The following ZFP1 variants were observed in gnomAD, a reference collection of about 807,000 sequenced individuals.
ZFP1 encodes the protein ZFP1 zinc finger protein, also known as zinc finger protein 1 homolog.
In ZFP1, 32 loss-of-function variants were observed where a neutral mutation model predicts 38.5. That is an observed-to-expected ratio of 0.83 (90% confidence interval 0.63 to 1.12). The LOEUF is 1.12. Among genes scored for constraint, ZFP1 ranks in the 50% most tolerant of loss-of-function variants. The pLI is 0.00. For missense variants in ZFP1, 616 were observed against 480.8 expected (o/e 1.28, Z -2.63); for synonymous variants, 245 against 168.8 (o/e 1.45, Z -3.50).
In ZFP1 at chr16:75,169,416, A is replaced by T. The variant is rs778527602; in HGVS notation, c.306A>T (p.Val102=). ...CAGACTTTGTTTCTTTAAGACAAGT[A>T]CCTTATAAATATGACTTATATGAAA... ...LNTDFVSLRQ[V]PYKYDLYEKT... Residue 102 remains valine, a synonymous_variant, in exon 4 of 4, where the codon GTA becomes GTT. Coordinates refer to ENST00000570010, the MANE Select transcript of ZFP1 (RefSeq NM_153688.4). 6.2e-6 allele frequency: 10 copies of T among 1,613,910 alleles called. No homozygotes were observed. The highest frequency in any genetic ancestry group is 8.5e-6 in the Non-Finnish European group (10 of 1,179,946).
At chr16:75,151,656 T>C (rs2037208506) in intron 1 of ZFP1, among the ~76,000 whole-genome samples, 1 of 152,260 alleles carries the variant, frequency 6.6e-6, no homozygotes, top group Non-Finnish European at 1.5e-5. Flanking sequence ...TGTTGCAGAA[T>C]ATTGACATAT....
upstream of ZFP1, among the ~76,000 whole-genome samples, chr16:75,146,832 T>C (rs1397441488): frequency 6.6e-6 from 1 of 150,518 alleles, no homozygotes; most frequent in East Asian, 2.0e-4. Flanking sequence ...TTTAGCTACT[T>C]GGGAGGCTGA....
rs140229519 is a variant in ZFP1, at chr16:75,169,481, G to T, written c.371G>T (p.Arg124Ile). Residue 124 changes from arginine to isoleucine, a missense_variant, in exon 4 of 4, where the codon AGA becomes ATA. Transcript: ENST00000570010. Reference protein sequence around the residue: ...KYNSDLLNSNRSYAGKQTDEC... With the variant: ...KYNSDLLNSNISYAGKQTDEC... Reference sequence around the variant, plus strand: ...AATTCAGACTTGCTTAATAGTAATAGAAGCTATGCAGGAAAGCAGACTGAT... The same window carrying T: ...AATTCAGACTTGCTTAATAGTAATATAAGCTATGCAGGAAAGCAGACTGAT... 9 of 1,612,866 alleles carry T rather than the reference G, an allele frequency of 5.6e-6. No homozygotes were observed. Among genetic ancestry groups the T allele is most frequent in the Middle Eastern group, 1.7e-4 (1 of 6,054 alleles).
At position 75,151,614 on chromosome 16, in the gene ZFP1, C is replaced by T. The variant is rs546774614; in HGVS notation, c.-43-1295C>T. The stretch of plus-strand genomic sequence containing the variant: ...TGGAACATTATACTCCCAATTTCAT[C>T]CTCCCGTCTTTTGCATTATTGTTGT... On this transcript the variant is annotated intron_variant, in intron 1 of 3. Coordinates refer to ENST00000570010, the MANE Select transcript of ZFP1 (RefSeq NM_153688.4). Among the ~76,000 whole-genome samples the T allele has an allele frequency of 6.7e-4, 102 of 152,238 alleles. No homozygotes were observed. The South Asian group carries it at 0.021, about 31-fold the overall frequency.
chr16:75,169,217 T>C, intron 3 of ZFP1, 36 bp from the exon 4 acceptor site: 1 of 1,560,558 alleles, frequency 6.4e-7, no homozygotes, highest in East Asian at 2.2e-5. Flanking sequence ...GCGGAGGCAT[T>C]GACAAGGTTC....
At chr16:75,134,120 AG>A in the ZFP1 span, among the ~76,000 whole-genome samples, 5 of 152,186 alleles carry the variant, frequency 3.3e-5, no homozygotes, top group African/African-American at 1.2e-4. Context: ...GGGAATTGAA[AG>A]GTATAGGATT....
rs192617446 is a variant in ZFP1, at chr16:75,171,170, G to C, written c.*836G>C. The C allele has an allele frequency of 6.6e-6, 1 of 152,154 alleles. No individual in the cohort carries two copies. The highest frequency in any genetic ancestry group is 2.4e-5 in the African/African-American group (1 of 41,440). The allele number at this position is 152,154 out of a possible 1,614,324, so 9.4% of individuals were successfully genotyped here. The stretch of plus-strand genomic sequence containing the variant: ...TCCCGTGGGATATTTGCATACAAAT[G>C]CATGTCTGTTACCAAAATATTGTGT... On this transcript the variant is annotated 3_prime_UTR_variant, in exon 4 of 4. Coordinates refer to ENST00000570010, the MANE Select transcript of ZFP1 (RefSeq NM_153688.4).
At position 75,169,616 on chromosome 16, in the gene ZFP1, C is replaced by A; in HGVS notation, c.506C>A (p.Ala169Glu). Residue 169 changes from alanine (A) to glutamate (E), a missense_variant, in exon 4 of 4, where the codon GCA (alanine) becomes GAA (glutamate). Physicochemically the swap from Ala to Glu is moderately radical, Grantham distance 107. Coordinates refer to ENST00000570010, the MANE Select transcript of ZFP1 (RefSeq NM_153688.4). ...AGTGGAAAAGCCCTCAGCCATAAAG[C>A]AGCCATTTTTAAACATCAGAAAATA... is the stretch of plus-strand genomic sequence containing the variant. ...NKSGKALSHK[A>E]AIFKHQKIKN... is the part of the protein sequence containing the mutation. The A allele has an allele frequency of 6.3e-7, 1 of 1,593,172 alleles. No homozygotes were observed. The highest frequency in any genetic ancestry group is 8.5e-7 in the Non-Finnish European group (1 of 1,174,016).
At chr16:75,153,169 C>G (rs1470692211) in intron 2 of ZFP1, among the ~76,000 whole-genome samples, 1 of 152,182 alleles carries the variant, frequency 6.6e-6, no homozygotes, top group Non-Finnish European at 1.5e-5. Context: ...TGGTTCTGTA[C>G]ATTAGGTCTG....
the ZFP1 span, among the ~76,000 whole-genome samples, chr16:75,121,428 T>G: frequency 6.6e-6 from 1 of 152,080 alleles, no homozygotes; most frequent in African/African-American, 2.4e-5. Flanking sequence ...CCCGGCAAAT[T>G]TCTTTAATTT....
intron 2 of ZFP1, among the ~76,000 whole-genome samples, chr16:75,164,081 G>A (rs1038256953): frequency 2.0e-5 from 3 of 152,038 alleles, no homozygotes; most frequent in East Asian, 1.9e-4. Flanking sequence ...TGCATTTTTT[G>A]GAATTCTGTT....
the ZFP1 span, among the ~76,000 whole-genome samples, chr16:75,138,778 C>G: frequency 6.6e-6 from 1 of 152,208 alleles, no homozygotes; most frequent in African/African-American, 2.4e-5. Flanking sequence ...AGGCTGCCCC[C>G]TGCGGCTTTC....
the ZFP1 span, among the ~76,000 whole-genome samples, chr16:75,142,347 CAG>C: frequency 1.3e-5 from 2 of 148,410 alleles, no homozygotes; most frequent in Admixed American, 1.3e-4. Context: ...AGCCTGGTGA[CAG>C]AGCAAGACTT....
At chr16:75,166,631 G>A in intron 2 of ZFP1, 139 bp from the exon 3 acceptor site, 1 of 1,493,116 alleles carries the variant, frequency 6.7e-7, no homozygotes. Context: ...TATTTTGGAA[G>A]ACATGAACAA....
chr16:75,124,456 G>C, the ZFP1 span, among the ~76,000 whole-genome samples: 1 of 141,936 alleles, frequency 7.0e-6, no homozygotes, highest in African/African-American at 2.5e-5. Context: ...CACCACGCCC[G>C]GCTTCAAAGC....
At chr16:75,166,238 CAG>C (rs1349816353) in intron 2 of ZFP1, among the ~76,000 whole-genome samples, 2 of 151,674 alleles carry the variant, frequency 1.3e-5, no homozygotes, top group South Asian at 2.1e-4. Context: ...AGAGCAGAAA[CAG>C]TGTTTATTTT....
chr16:75,164,145 C>T (rs775367394), intron 2 of ZFP1, among the ~76,000 whole-genome samples: 2 of 152,094 alleles, frequency 1.3e-5, no homozygotes, highest in African/African-American at 4.8e-5. Context: ...GGCTTTGTTA[C>T]TTTGTTTATA....
chr16:75,162,359 A>AG (rs1219710703), intron 2 of ZFP1, among the ~76,000 whole-genome samples: 1 of 151,762 alleles, frequency 6.6e-6, no homozygotes, highest in East Asian at 1.9e-4. Flanking sequence ...CCTGACCTTA[A>AG]GTGATCCACC....
chr16:75,137,748 G>C, the ZFP1 span, among the ~76,000 whole-genome samples: 1 of 152,006 alleles, frequency 6.6e-6, no homozygotes, highest in Non-Finnish European at 1.5e-5. Flanking sequence ...TTACAGGCAT[G>C]AGCCAACACG....
Sources: allele counts gnomAD v4.1 joint callset (sites outside exome capture counted in the v4.1 genomes callset), GRCh38; gene constraint gnomAD v4.1.1; transcripts MANE v1.5; gene names NCBI Gene and HGNC (gene_info 2026-07-23, HGNC 2026-07-21).